The following LMNTD1 variants were observed in gnomAD, a reference collection of about 807,000 sequenced individuals.
The protein encoded by LMNTD1 is lamin tail domain containing 1.
LMNTD1 carries 35 observed loss-of-function variants against 50.9 expected under a neutral mutation model. The observed-to-expected ratio is 0.69, with a 90% CI of 0.53 to 0.91. The LOEUF (loss-of-function observed/expected upper bound fraction) is 0.91. Among genes scored for constraint, LMNTD1 ranks in the 40% least tolerant of loss-of-function variants. The pLI is 0.00. For missense variants in LMNTD1, 470 were observed against 475.5 expected (o/e 0.99, Z 0.11); for synonymous variants, 153 against 161.9 (o/e 0.94, Z 0.42).
At chr12:25,575,178 G>A (rs185734530) in intron 1 of LMNTD1, among the ~76,000 whole-genome samples, 8 of 152,168 alleles carry the variant, frequency 5.3e-5, no homozygotes, top group African/African-American at 1.7e-4. Flanking sequence ...AGTCTAATAG[G>A]AAACTCTGGC....
At chr12:25,574,512 GT>G (rs1944921321) in intron 1 of LMNTD1, among the ~76,000 whole-genome samples, 1 of 151,374 alleles carries the variant, frequency 6.6e-6, no homozygotes, top group African/African-American at 2.5e-5. Context: ...AATAATGTGA[GT>G]AAGGCACTTG....
At chr12:25,509,273 A>C (rs920166188) in intron 8 of LMNTD1, among the ~76,000 whole-genome samples, 2 of 151,932 alleles carry the variant, frequency 1.3e-5, no homozygotes, top group South Asian at 2.1e-4. Flanking sequence ...ATGCTCAGCT[A>C]ATTTTTGTAT....
intron 9 of LMNTD1, among the ~76,000 whole-genome samples, chr12:25,491,919 G>A (rs1009931087): frequency 4.6e-5 from 7 of 152,188 alleles, no homozygotes; most frequent in African/African-American, 1.2e-4. Flanking sequence ...GGAACATTTA[G>A]GGAGTTGATA....
At chr12:25,544,595 T>C (rs1226774988) in intron 4 of LMNTD1, among the ~76,000 whole-genome samples, 1 of 151,842 alleles carries the variant, frequency 6.6e-6, no homozygotes, top group Non-Finnish European at 1.5e-5. Flanking sequence ...TTCTTGTTTT[T>C]GGGTTGTTTT....
In LMNTD1 at chr12:25,517,778, A is replaced by G. The variant is rs542450480; in HGVS notation, c.1189+1017T>C. On this transcript the variant is annotated intron_variant, in intron 8 of 9. Coordinates refer to ENST00000458174, the MANE Select transcript of LMNTD1 (RefSeq NM_001145728.2). ...ATTCTAAGCAGGAAAAAAGAAAAAG[A>G]AATATATTCAGTGATTTACAAAATT... Among the ~76,000 whole-genome samples the G allele has an allele frequency of 5.3e-4, 80 of 150,732 alleles. 1 individual carries two copies. The highest frequency in any genetic ancestry group is 9.9e-4 in the Non-Finnish European group (67 of 67,494).
intron 1 of LMNTD1, among the ~76,000 whole-genome samples, chr12:25,576,572 T>C (rs1044435268): frequency 2.0e-5 from 3 of 152,182 alleles, no homozygotes; most frequent in African/African-American, 7.2e-5. Context: ...GTTTAAGTTC[T>C]TTGTAGATTC....
chr12:25,578,227 A>T (rs1328034361), intron 1 of LMNTD1, among the ~76,000 whole-genome samples: 1 of 152,188 alleles, frequency 6.6e-6, no homozygotes, highest in African/African-American at 2.4e-5. Context: ...CCTAAAATAT[A>T]GCATTTACCC....
intron 2 of LMNTD1, among the ~76,000 whole-genome samples, chr12:25,552,169 A>G (rs1943786407): frequency 6.6e-6 from 1 of 152,228 alleles, no homozygotes; most frequent in Non-Finnish European, 1.5e-5. Context: ...TAGTTGATGA[A>G]TGATTTATAT....
intron 1 of LMNTD1, among the ~76,000 whole-genome samples, chr12:25,634,850 G>A (rs1366591832): frequency 1.3e-5 from 2 of 152,144 alleles, no homozygotes; most frequent in African/African-American, 4.8e-5. Context: ...ATCCAAATCA[G>A]CAAAGAGGAA....
intron 1 of LMNTD1, among the ~76,000 whole-genome samples, chr12:25,635,730 A>G (rs770468230): frequency 6.6e-6 from 1 of 152,252 alleles, no homozygotes; most frequent in Non-Finnish European, 1.5e-5. Flanking sequence ...ACCTGATTTC[A>G]AACTATACTA....
At chr12:25,542,695 C>T (rs946775417) in intron 4 of LMNTD1, among the ~76,000 whole-genome samples, 4 of 148,814 alleles carry the variant, frequency 2.7e-5, no homozygotes, top group Non-Finnish European at 4.4e-5. Context: ...ACAATGTGCA[C>T]ATGTACCCTA....
chr12:25,544,803 G>A (rs1943323544), intron 4 of LMNTD1, among the ~76,000 whole-genome samples: 1 of 151,370 alleles, frequency 6.6e-6, no homozygotes, highest in Non-Finnish European at 1.5e-5. Context: ...TACTTACCTT[G>A]AATCACAAAG....
intron 8 of LMNTD1, among the ~76,000 whole-genome samples, chr12:25,508,730 G>A (rs1940018608): frequency 6.6e-6 from 1 of 152,158 alleles, no homozygotes. Context: ...CTAGTACAAT[G>A]TTGAATAGAA....
chr12:25,489,336 C>T (rs1313680923), intron 9 of LMNTD1, among the ~76,000 whole-genome samples: 2 of 150,838 alleles, frequency 1.3e-5, no homozygotes, highest in South Asian at 2.1e-4. Context: ...GGTGGTGCGC[C>T]GTTTTTTAAG....
intron 1 of LMNTD1, among the ~76,000 whole-genome samples, chr12:25,594,651 C>CAAAAAAAAAAAAAAAAAAAAAAAAA (rs61299586): frequency 2.9e-5 from 2 of 69,904 alleles, no homozygotes; most frequent in Non-Finnish European, 2.7e-5. Context: ...AACAGAAATA[C>CAAAAAAAAAAAAAAAAAAAAAAAAA]AAAAAAAAAA....
intron 9 of LMNTD1, among the ~76,000 whole-genome samples, chr12:25,484,639 T>C (rs1434524273): frequency 7.0e-6 from 1 of 142,546 alleles, no homozygotes; most frequent in Admixed American, 6.9e-5. Context: ...TATCTCCCAA[T>C]GCTATCCCTC....
rs777064069 is a variant in LMNTD1, at chr12:25,631,682, G to T, written c.58+16812C>A. Among the ~76,000 whole-genome samples the T allele has an allele frequency of 1.9e-4, 29 of 152,252 alleles. 1 individual carries two copies. Among genetic ancestry groups the T allele is most frequent in the Non-Finnish European group, 4.4e-5 (3 of 68,028 alleles). The stretch of plus-strand genomic sequence containing the variant: ...AGCCCTAGACCTTCCCTCTGACAGA[G>T]CCTACCCAAATGAGAAAGAACCAGA... On this transcript the variant is annotated intron_variant, in intron 1 of 7. Coordinates refer to the LMNTD1 transcript ENST00000445693.
chr12:25,625,280 C>T (rs111946121), intron 1 of LMNTD1, among the ~76,000 whole-genome samples: 1 of 152,170 alleles, frequency 6.6e-6, no homozygotes, highest in African/African-American at 2.4e-5. Flanking sequence ...TCCTTGGTTT[C>T]AACTTGCATT....
intron 9 of LMNTD1, among the ~76,000 whole-genome samples, chr12:25,481,231 T>A (rs928255578): frequency 1.3e-5 from 2 of 152,028 alleles, no homozygotes; most frequent in Admixed American, 6.5e-5. Flanking sequence ...CAGTTCCTTA[T>A]CATCCTTCTC....
Sources: gnomAD v4.1 joint callset for allele counts (sites outside exome capture counted in the v4.1 genomes callset) on GRCh38, gnomAD v4.1.1 for gene constraint, MANE v1.5 for transcripts, NCBI Gene and HGNC (gene_info 2026-07-23, HGNC 2026-07-21) for gene names.